Variants in KCTD16 observed in about 807,000 individuals in gnomAD.
The protein encoded by KCTD16 is BTB/POZ domain-containing protein KCTD16.
Under a neutral mutation model 33.2 loss-of-function variants are expected in KCTD16, and 13 were observed. That is an observed-to-expected ratio of 0.39 (90% confidence interval 0.25 to 0.62). The LOEUF (loss-of-function observed/expected upper bound fraction) is 0.62. KCTD16 is among the 20% of genes least tolerant of loss of function. The pLI, the probability that KCTD16 is intolerant of heterozygous loss-of-function variation, is 0.50. For missense variants in KCTD16, 441 were observed against 525.1 expected, an observed-to-expected ratio of 0.84 and a Z score of 1.57; for synonymous variants, 197 against 195.3, an observed-to-expected ratio of 1.01 and a Z score of -0.07.
At chr5:144,305,813 AAAAAAT>A (rs1248368567) in intron 3 of KCTD16, among the ~76,000 whole-genome samples, 5 of 152,164 alleles carry the variant, frequency 3.3e-5, no homozygotes, top group Non-Finnish European at 5.9e-5. Context: ...ACTCTGTTTC[AAAAAAT>A]AAAAATAAAA....
At chr5:144,288,660 C>A (rs2126860400) in intron 3 of KCTD16, among the ~76,000 whole-genome samples, 1 of 152,242 alleles carries the variant, frequency 6.6e-6, no homozygotes, top group African/African-American at 2.4e-5. Context: ...CAGTAAGTTA[C>A]ATTAGGTCTC....
rs767446254 is a variant in KCTD16 at position 144,474,163 on chromosome 5, A to G, written c.*49A>G. 3.6e-6 allele frequency: 5 copies of G among 1,397,164 alleles called. No homozygotes were observed. Among genetic ancestry groups the G allele is most frequent in the Non-Finnish European group, 4.9e-6 (5 of 1,021,738 alleles). 86.5% of individuals were successfully genotyped at this position (1,397,164 alleles called of 1,614,324 possible). A position where few individuals can be genotyped will look rare whatever the true frequency, so the allele number is the denominator to read the frequency against. ...AAAAAAAAAAGTCATTTTGAAATTAACCTCCTAAAAGGAATTCATATTTTA... is the reference window on the plus strand; with the variant it reads ...AAAAAAAAAAGTCATTTTGAAATTAGCCTCCTAAAAGGAATTCATATTTTA... On this transcript the variant is annotated 3_prime_UTR_variant, in exon 4 of 4. Transcript: ENST00000512467.
intron 3 of KCTD16, among the ~76,000 whole-genome samples, chr5:144,400,340 G>A (rs1241136260): frequency 1.3e-5 from 2 of 152,172 alleles, no homozygotes; most frequent in Non-Finnish European, 2.9e-5. Flanking sequence ...GAGGGAGGAA[G>A]GAGGTGGTTA....
intron 2 of KCTD16, among the ~76,000 whole-genome samples, chr5:144,201,353 A>G (rs540769687): frequency 1.1e-4 from 16 of 152,330 alleles, no homozygotes; most frequent in African/African-American, 3.8e-4. Context: ...CCCATGAATA[A>G]TAAATACATT....
chr5:144,327,905 G>C (rs1373900828), intron 3 of KCTD16, among the ~76,000 whole-genome samples: 4 of 152,074 alleles, frequency 2.6e-5, no homozygotes, highest in Non-Finnish European at 5.9e-5. Context: ...AAGAATCCCT[G>C]GTGAACATCT....
At position 144,204,075 on chromosome 5, in the gene KCTD16, T is replaced by C. The variant is rs1274139097; in HGVS notation, c.-326-2314T>C. 2.0e-5 allele frequency among the ~76,000 whole-genome samples: 3 copies of C among 152,246 alleles called. No individual in the cohort carries two copies. The East Asian group carries it at 5.8e-4, about 29-fold the overall frequency. On this transcript the variant is annotated intron_variant, in intron 2 of 3. Transcript: ENST00000512467. ...GGTGTAGGAATGTTAGCTAACGCTC[T>C]GAATATGTTCAGTAACCCAATGCTT...
intron 2 of KCTD16, among the ~76,000 whole-genome samples, chr5:144,178,187 T>C (rs1012826441): frequency 6.6e-6 from 1 of 152,210 alleles, no homozygotes; most frequent in Non-Finnish European, 1.5e-5. Flanking sequence ...AAAAGCCTGC[T>C]AAAGGAAACT....
At chr5:144,343,830 G>A (rs1580888225) in intron 3 of KCTD16, among the ~76,000 whole-genome samples, 1 of 152,136 alleles carries the variant, frequency 6.6e-6, no homozygotes, top group African/African-American at 2.4e-5. Context: ...CCTTCATTTC[G>A]TTATGTACCC....
intron 2 of KCTD16, among the ~76,000 whole-genome samples, chr5:144,204,992 G>A (rs1297053493): frequency 6.6e-6 from 1 of 151,820 alleles, no homozygotes; most frequent in East Asian, 1.9e-4. Context: ...TTCCGTGAAC[G>A]AGGAGGGGGG....
intron 3 of KCTD16, among the ~76,000 whole-genome samples, chr5:144,247,467 C>T (rs1754581366): frequency 6.6e-6 from 1 of 152,116 alleles, no homozygotes; most frequent in Non-Finnish European, 1.5e-5. Flanking sequence ...TTTTAGTTCC[C>T]AGCAATCAAG....
intron 3 of KCTD16, among the ~76,000 whole-genome samples, chr5:144,320,996 C>T (rs1752058484): frequency 6.6e-6 from 1 of 152,102 alleles, no homozygotes; most frequent in South Asian, 2.1e-4. Flanking sequence ...GCTGGGATTA[C>T]AGGCACATGC....
chr5:144,421,622 G>A (rs1434720430), intron 3 of KCTD16, among the ~76,000 whole-genome samples: 1 of 152,128 alleles, frequency 6.6e-6, no homozygotes, highest in Non-Finnish European at 1.5e-5. Context: ...GAGTGTAGCA[G>A]AGAGACAAAG....
At chr5:144,187,605 G>A (rs1379962721) in intron 2 of KCTD16, among the ~76,000 whole-genome samples, 1 of 152,148 alleles carries the variant, frequency 6.6e-6, no homozygotes, top group Non-Finnish European at 1.5e-5. Flanking sequence ...TGTTTTCACT[G>A]AATCATTAAT....
At chr5:144,349,097 G>A (rs993562593) in intron 3 of KCTD16, among the ~76,000 whole-genome samples, 1 of 152,132 alleles carries the variant, frequency 6.6e-6, no homozygotes, top group Admixed American at 6.5e-5. Context: ...ATTAATCTGG[G>A]CTGTTGGGCC....
intron 3 of KCTD16, among the ~76,000 whole-genome samples, chr5:144,395,036 A>G (rs1006704043): frequency 1.3e-5 from 2 of 152,188 alleles, no homozygotes; most frequent in African/African-American, 4.8e-5. Flanking sequence ...TCACCTGGCA[A>G]CCTGTTAGAA....
intron 3 of KCTD16, among the ~76,000 whole-genome samples, chr5:144,218,201 T>C (rs1210963345): frequency 1.3e-5 from 2 of 152,186 alleles, no homozygotes; most frequent in East Asian, 1.9e-4. Flanking sequence ...GCATATGGTA[T>C]AGAAAGAGAT....
At chr5:144,229,538 G>A (rs550281961) in intron 3 of KCTD16, among the ~76,000 whole-genome samples, 3 of 152,274 alleles carry the variant, frequency 2.0e-5, no homozygotes, top group South Asian at 4.1e-4. Flanking sequence ...GCTATCGAAA[G>A]GGCCACAAAT....
chr5:144,414,832 G>A (rs973372604), intron 3 of KCTD16, among the ~76,000 whole-genome samples: 6 of 152,080 alleles, frequency 3.9e-5, no homozygotes, highest in Non-Finnish European at 8.8e-5. Context: ...CTACCAATGA[G>A]AGCCTTGTAT....
rs1754663538 is a variant in KCTD16 at position 144,479,489 on chromosome 5, A to G, written c.*5375A>G. 6.6e-6 allele frequency: 1 copy of G among 151,892 alleles called. No homozygotes were observed. Among genetic ancestry groups the G allele is most frequent in the Non-Finnish European group, 1.5e-5 (1 of 67,890 alleles). The allele number at this position is 151,892 out of a possible 1,614,324, so 9.4% of individuals were successfully genotyped here. On this transcript the variant is annotated 3_prime_UTR_variant, in exon 4 of 4. Transcript: ENST00000512467. ...TGGATACATACCAAATTCCCACGTT[A>G]TAAGAAAGATGAAAATAGAGATCAT...
Sources: gnomAD v4.1 joint callset for allele counts (sites outside exome capture counted in the v4.1 genomes callset) on GRCh38, gnomAD v4.1.1 for gene constraint, MANE v1.5 for transcripts, NCBI Gene and HGNC (gene_info 2026-07-23, HGNC 2026-07-21) for gene names.